Variants in ARHGAP15 observed in about 807,000 individuals in gnomAD.
ARHGAP15 encodes the protein rho GTPase-activating protein 15.
In ARHGAP15, 51 loss-of-function variants were observed where a neutral mutation model predicts 63.7. The ratio of observed to expected loss-of-function variants is 0.80; its 90% confidence interval spans 0.64 to 1.01. ARHGAP15 has a LOEUF of 1.01. Ranked by LOEUF, ARHGAP15 falls within the 50% of genes least tolerant of loss-of-function variation. The pLI is 0.00. For missense variants in ARHGAP15, 560 were observed against 564.6 expected, an observed-to-expected ratio of 0.99 and a Z score of 0.08; for synonymous variants, 191 against 193.8, an observed-to-expected ratio of 0.99 and a Z score of 0.12.
chr2:143,501,884 T>TC (rs1693079710), intron 9 of ARHGAP15, among the ~76,000 whole-genome samples: 1 of 151,958 alleles, frequency 6.6e-6, no homozygotes, highest in Non-Finnish European at 1.5e-5. Context: ...ATAGGAGAGG[T>TC]CTCTGCCTAG....
At chr2:143,147,225 G>T (rs1459258344) in intron 1 of ARHGAP15, among the ~76,000 whole-genome samples, 2 of 152,016 alleles carry the variant, frequency 1.3e-5, no homozygotes, top group Non-Finnish European at 2.9e-5. Context: ...GACTCCATTT[G>T]TTTCCCCAGT....
At chr2:143,321,956 C>T (rs756417358) in intron 6 of ARHGAP15, among the ~76,000 whole-genome samples, 20 of 152,154 alleles carry the variant, frequency 1.3e-4, no homozygotes, top group Non-Finnish European at 2.5e-4. Context: ...CTAATGGAGT[C>T]GTAGGGGACT....
At chr2:143,284,165 G>A (rs1286461134) in intron 6 of ARHGAP15, among the ~76,000 whole-genome samples, 1 of 152,154 alleles carries the variant, frequency 6.6e-6, no homozygotes, top group East Asian at 1.9e-4. Flanking sequence ...TTTGGGCCAA[G>A]GCACAAGAAT....
intron 6 of ARHGAP15, among the ~76,000 whole-genome samples, chr2:143,306,854 C>A (rs1280179623): frequency 6.6e-6 from 1 of 152,126 alleles, no homozygotes; most frequent in Non-Finnish European, 1.5e-5. Context: ...CATCACAAAT[C>A]ACAAACTTGA....
chr2:143,303,190 T>G lies in ARHGAP15; in HGVS notation c.474+52590T>G, dbSNP rs970746019. ...ATCTAATTAAACTAAAGAGCTTCAG[T>G]AGGGCAAAGGAAATTATCATCCAAG... On this transcript the variant is annotated intron_variant, in intron 6 of 13. Coordinates refer to ENST00000295095, the MANE Select transcript of ARHGAP15 (RefSeq NM_018460.4). 2.0e-5 allele frequency among the ~76,000 whole-genome samples: 3 copies of G among 151,408 alleles called. No homozygotes were observed. The East Asian group carries it at 6.0e-4, about 30-fold the overall frequency.
At chr2:143,372,011 GAAATAAAT>G (rs10530096) in intron 6 of ARHGAP15, among the ~76,000 whole-genome samples, 69,470 of 147,796 alleles carry the variant, frequency 0.47, 17,346 homozygotes, top group African/African-American at 0.64. Context: ...CGAGCCTATG[GAAATAAAT>G]AAATAAATAA....
At chr2:143,615,578 ATGCATTTT>A (rs1698422803) in intron 11 of ARHGAP15, among the ~76,000 whole-genome samples, 1 of 152,160 alleles carries the variant, frequency 6.6e-6, no homozygotes, top group Admixed American at 6.6e-5. Context: ...ACTTCTATAT[ATGCATTTT>A]TGCTTACAAT....
chr2:143,759,926 G>A (rs962233161), intron 13 of ARHGAP15, among the ~76,000 whole-genome samples: 2 of 152,152 alleles, frequency 1.3e-5, no homozygotes, highest in African/African-American at 2.4e-5. Context: ...TTTTTTTAAA[G>A]TTCCCTAGGG....
At chr2:143,675,488 C>A (rs1682779896) in intron 12 of ARHGAP15, among the ~76,000 whole-genome samples, 1 of 152,110 alleles carries the variant, frequency 6.6e-6, no homozygotes. Flanking sequence ...GCAGCCATAG[C>A]CTTATAAAAT....
intron 6 of ARHGAP15, among the ~76,000 whole-genome samples, chr2:143,422,393 A>G (rs1364309159): frequency 1.3e-5 from 2 of 152,116 alleles, no homozygotes; most frequent in African/African-American, 2.4e-5. Context: ...AGTTAATGGC[A>G]ATGGAACCAT....
At chr2:143,617,307 C>T (rs1698488107) in intron 11 of ARHGAP15, among the ~76,000 whole-genome samples, 1 of 152,154 alleles carries the variant, frequency 6.6e-6, no homozygotes, top group African/African-American at 2.4e-5. Flanking sequence ...TGCTCAAAAC[C>T]TTGGGGCATT....
At chr2:143,238,280 T>C (rs916538990) in intron 5 of ARHGAP15, 2 of 152,130 alleles carry the variant, frequency 1.3e-5, no homozygotes, top group African/African-American at 4.8e-5. Flanking sequence ...GGGAGACAAT[T>C]TTTGCAATCT....
intron 4 of ARHGAP15, among the ~76,000 whole-genome samples, chr2:143,217,429 TTG>T (rs1692798843): frequency 6.6e-6 from 1 of 152,220 alleles, no homozygotes; most frequent in Non-Finnish European, 1.5e-5. Flanking sequence ...TCTCTCCATA[TTG>T]TGTCTTATTC....
chr2:143,651,749 G>A lies in ARHGAP15; in HGVS notation c.1138+27482G>A, dbSNP rs78855426. Reference sequence around the variant, plus strand: ...CACTCAGGATGGTCAGTTAATTGTAGCCATTTAAGTAGGTTTGTACAGGTA... The same window carrying A: ...CACTCAGGATGGTCAGTTAATTGTAACCATTTAAGTAGGTTTGTACAGGTA... On this transcript the variant is annotated intron_variant, in intron 12 of 13. Coordinates refer to ENST00000295095, the MANE Select transcript of ARHGAP15 (RefSeq NM_018460.4). Among the ~76,000 whole-genome samples the A allele has an allele frequency of 2.6e-5, 4 of 151,924 alleles. No individual in the cohort carries two copies. In the East Asian group the frequency reaches 7.7e-4, roughly 29 times the overall value.
At chr2:143,376,949 T>G (rs1378092562) in intron 6 of ARHGAP15, among the ~76,000 whole-genome samples, 1 of 152,130 alleles carries the variant, frequency 6.6e-6, no homozygotes, top group African/African-American at 2.4e-5. Flanking sequence ...TACTTTCCTG[T>G]AATGCCTTTT....
chr2:143,537,023 T>C (rs1225692810), intron 10 of ARHGAP15, among the ~76,000 whole-genome samples: 1 of 151,930 alleles, frequency 6.6e-6, no homozygotes, highest in East Asian at 1.9e-4. Flanking sequence ...CTCCACATCC[T>C]CTCCAGCACC....
chr2:143,414,029 G>T (rs1451793919), intron 6 of ARHGAP15, among the ~76,000 whole-genome samples: 1 of 150,698 alleles, frequency 6.6e-6, no homozygotes, highest in Non-Finnish European at 1.5e-5. Context: ...CGTTTTGCTT[G>T]ATGGAAAAAA....
intron 9 of ARHGAP15, among the ~76,000 whole-genome samples, chr2:143,498,447 C>T (rs1692917518): frequency 6.6e-6 from 1 of 151,976 alleles, no homozygotes; most frequent in African/African-American, 2.4e-5. Context: ...GGTATATCTC[C>T]CAGCTTTTCT....
intron 9 of ARHGAP15, among the ~76,000 whole-genome samples, chr2:143,499,878 G>A (rs943573413): frequency 7.9e-5 from 12 of 151,948 alleles, no homozygotes; most frequent in Admixed American, 7.9e-4. Context: ...TTAAAAAGAT[G>A]TTCTGAATAC....
Sources: allele counts gnomAD v4.1 joint callset (sites outside exome capture counted in the v4.1 genomes callset), GRCh38; gene constraint gnomAD v4.1.1; transcripts MANE v1.5; gene names NCBI Gene and HGNC (gene_info 2026-07-23, HGNC 2026-07-21).